The following PAPPA2 variants were observed in gnomAD, a reference collection of about 807,000 sequenced individuals.
The protein encoded by PAPPA2 is pappalysin 2, also known as pappalysin-2.
Under a neutral mutation model 176.4 loss-of-function variants are expected in PAPPA2, and 86 were observed. The observed-to-expected ratio is 0.49, with a 90% CI of 0.41 to 0.58. PAPPA2 has a LOEUF of 0.58. Among genes scored for constraint, PAPPA2 ranks in the 20% least tolerant of loss-of-function variants. The probability of loss-of-function intolerance (pLI) is 0.00; values close to 1 mark genes in which losing one functional copy is unlikely to be tolerated. For missense variants in PAPPA2, 2,073 were observed against 2,256.9 expected (o/e 0.92, Z 1.65); for synonymous variants, 809 against 852.2 (o/e 0.95, Z 0.88).
intron 2 of PAPPA2, among the ~76,000 whole-genome samples, chr1:176,582,169 C>T (rs1471548763): frequency 1.3e-5 from 2 of 151,996 alleles, no homozygotes; most frequent in African/African-American, 4.8e-5. Flanking sequence ...CCTTGTGATC[C>T]ACCCGCCTCG....
At chr1:176,777,943 TTTC>T (rs1557865106) in intron 17 of PAPPA2, among the ~76,000 whole-genome samples, 2 of 151,922 alleles carry the variant, frequency 1.3e-5, no homozygotes, top group African/African-American at 2.4e-5. Flanking sequence ...AATAGGGAAA[TTTC>T]TTCTTTAACA....
At chr1:176,557,620 C>G (rs1428861511) in intron 2 of PAPPA2, among the ~76,000 whole-genome samples, 1 of 152,174 alleles carries the variant, frequency 6.6e-6, no homozygotes, top group African/African-American at 2.4e-5. Flanking sequence ...CCCAGGCAAC[C>G]TTGAAGACAG....
At chr1:176,624,135 G>C (rs1313428213) in intron 3 of PAPPA2, among the ~76,000 whole-genome samples, 8 of 152,126 alleles carry the variant, frequency 5.3e-5, no homozygotes, top group Admixed American at 1.3e-4. Context: ...CAGAATTCTT[G>C]GGAGACTTCC....
At chr1:176,484,054 A>T (rs1395851831) in intron 1 of PAPPA2, among the ~76,000 whole-genome samples, 1 of 152,228 alleles carries the variant, frequency 6.6e-6, no homozygotes, top group Non-Finnish European at 1.5e-5. Context: ...GACCACATCC[A>T]CTACTACCTC....
chr1:176,640,716 G>A (rs1657029879), intron 3 of PAPPA2, among the ~76,000 whole-genome samples: 1 of 151,732 alleles, frequency 6.6e-6, no homozygotes, highest in Admixed American at 6.6e-5. Flanking sequence ...GTAATGGGAT[G>A]GCTGGGTCAA....
intron 7 of PAPPA2, 87 bp from the exon 8 acceptor site, chr1:176,699,013 A>G: frequency 6.9e-7 from 1 of 1,455,422 alleles, no homozygotes; most frequent in Non-Finnish European, 9.2e-7. Context: ...TTCTCTCCAT[A>G]GTTCCTCTTT....
chr1:176,705,511 A>G (rs1660843146), intron 9 of PAPPA2, among the ~76,000 whole-genome samples: 1 of 152,138 alleles, frequency 6.6e-6, no homozygotes, highest in Admixed American at 6.5e-5. Flanking sequence ...GTCCATTTTG[A>G]GCATGAAAAA....
intron 1 of PAPPA2, among the ~76,000 whole-genome samples, chr1:176,501,969 T>C (rs1298507793): frequency 2.0e-5 from 3 of 152,162 alleles, no homozygotes; most frequent in Non-Finnish European, 2.9e-5. Context: ...TCTTATGGAA[T>C]ACATGAGTGA....
intron 3 of PAPPA2, among the ~76,000 whole-genome samples, chr1:176,597,249 G>A (rs1246869632): frequency 6.6e-6 from 1 of 152,058 alleles, no homozygotes; most frequent in East Asian, 1.9e-4. Flanking sequence ...TGTAAACTAG[G>A]GATGATTGCA....
intron 21 of PAPPA2, among the ~76,000 whole-genome samples, chr1:176,833,815 T>G (rs1358808865): frequency 6.6e-6 from 1 of 151,542 alleles, no homozygotes; most frequent in East Asian, 1.9e-4. Flanking sequence ...GACCTACATA[T>G]ATATGTGTAT....
chr1:176,493,049 A>G lies in PAPPA2; in HGVS notation c.-917+29631A>G, dbSNP rs188492802. ...TTGGTCACAATCCAATAAATTGATT[A>G]TATAATATGCTAACCAATTATGACT... On this transcript the variant is annotated intron_variant, in intron 1 of 22. Coordinates refer to ENST00000367662, the MANE Select transcript of PAPPA2 (RefSeq NM_020318.3). 2.0e-5 allele frequency among the ~76,000 whole-genome samples: 3 copies of G among 152,350 alleles called. No individual in the cohort carries two copies. In the East Asian group the frequency reaches 5.8e-4, roughly 29 times the overall value.
rs546323491 is a variant in PAPPA2, at chr1:176,705,412, T to G, written c.3366-947T>G. 4.6e-5 allele frequency among the ~76,000 whole-genome samples: 7 copies of G among 152,312 alleles called. No homozygotes were observed. The South Asian group carries it at 6.2e-4, about 14-fold the overall frequency. On this transcript the variant is annotated intron_variant, in intron 9 of 22. Coordinates refer to ENST00000367662, the MANE Select transcript of PAPPA2 (RefSeq NM_020318.3). ...TTCATTCATCCTAGTGAGGCATACT[T>G]TAAACAATAGATTAGAGCTATTTAT...
intron 2 of PAPPA2, among the ~76,000 whole-genome samples, chr1:176,573,510 G>A (rs909183873): frequency 5.9e-5 from 9 of 152,210 alleles, no homozygotes; most frequent in African/African-American, 2.2e-4. Context: ...TGTCCTTGAA[G>A]GTTATTAAAA....
At chr1:176,636,517 T>C (rs1656708497) in intron 3 of PAPPA2, among the ~76,000 whole-genome samples, 1 of 152,162 alleles carries the variant, frequency 6.6e-6, no homozygotes, top group Non-Finnish European at 1.5e-5. Flanking sequence ...TGGAAGTTTT[T>C]AGAATTAGTG....
intron 20 of PAPPA2, among the ~76,000 whole-genome samples, chr1:176,797,562 A>T (rs904406294): frequency 6.6e-6 from 1 of 152,122 alleles, no homozygotes; most frequent in African/African-American, 2.4e-5. Context: ...CAGGAGAATC[A>T]CTTGAGCCCG....
In PAPPA2 at chr1:176,594,941, G is replaced by T. The variant is rs1276071741; in HGVS notation, c.1337G>T (p.Ser446Ile). 6.2e-7 allele frequency: 1 copy of T among 1,614,246 alleles called. No homozygotes were observed. Among genetic ancestry groups the T allele is most frequent in the South Asian group, 1.1e-5 (1 of 91,088 alleles). The change falls in exon 3 of 23, where the codon AGT becomes ATT. Residue 446 changes from serine (S) to isoleucine (I), a missense_variant. Transcript: ENST00000367662. ...SHFQHSSQHS[S>I]GEEEATDLVL... ...TTTCAGCACAGTTCTCAGCATTCAA[G>T]TGGGGAGGAGGAAGCGACTGACTTG...
chr1:176,745,683 G>A (rs1426287984), intron 14 of PAPPA2, among the ~76,000 whole-genome samples: 1 of 152,204 alleles, frequency 6.6e-6, no homozygotes, highest in Non-Finnish European at 1.5e-5. Context: ...ATGAGTGATA[G>A]AAGAGTATCC....
chr1:176,807,451 A>G (rs1037355447), intron 21 of PAPPA2, among the ~76,000 whole-genome samples: 2 of 151,982 alleles, frequency 1.3e-5, no homozygotes, highest in Non-Finnish European at 2.9e-5. Flanking sequence ...AAGTTGAACA[A>G]TAAGAGCTAC....
intron 1 of PAPPA2, among the ~76,000 whole-genome samples, chr1:176,542,006 T>C (rs1305989529): frequency 6.6e-6 from 1 of 152,236 alleles, no homozygotes; most frequent in Non-Finnish European, 1.5e-5. Context: ...TAGTTTCTTA[T>C]TTTCCTGAAG....
Sources: allele counts gnomAD v4.1 joint callset (sites outside exome capture counted in the v4.1 genomes callset), GRCh38; gene constraint gnomAD v4.1.1; transcripts MANE v1.5; gene names NCBI Gene and HGNC (gene_info 2026-07-23, HGNC 2026-07-21).